The following MEGF10 variants were observed in gnomAD, a reference collection of about 807,000 sequenced individuals.
MEGF10 encodes multiple epidermal growth factor-like domains protein 10.
In MEGF10, 86 loss-of-function variants were observed where a neutral mutation model predicts 147.5. The observed-to-expected ratio is 0.58, with a 90% confidence interval of 0.49 to 0.70. The LOEUF is 0.70. Ranked by LOEUF, MEGF10 falls within the 30% of genes least tolerant of loss-of-function variation. The pLI, the probability that MEGF10 is intolerant of heterozygous loss-of-function variation, is 0.00. For synonymous variants in MEGF10, 478 were observed against 525.5 expected, an observed-to-expected ratio of 0.91 and a Z score of 1.24; for missense variants, 1,329 against 1,487.3, an observed-to-expected ratio of 0.89 and a Z score of 1.75.
At chr5:127,349,654 A>G (rs1762018888) in intron 4 of MEGF10, among the ~76,000 whole-genome samples, 2 of 150,662 alleles carry the variant, frequency 1.3e-5, no homozygotes, top group African/African-American at 2.4e-5. Context: ...AGGTCCAGCC[A>G]TATCGTAGCA....
At chr5:127,366,436 G>A (rs557854514) in intron 4 of MEGF10, among the ~76,000 whole-genome samples, 73 of 152,230 alleles carry the variant, frequency 4.8e-4, no homozygotes, top group African/African-American at 1.2e-3. Flanking sequence ...TTTCCTTTTA[G>A]ACTCCATCCC....
chr5:127,325,559 A>C (rs1443762992), intron 1 of MEGF10, among the ~76,000 whole-genome samples: 1 of 152,010 alleles, frequency 6.6e-6, no homozygotes, highest in Non-Finnish European at 1.5e-5. Context: ...CTCTGTTCCC[A>C]TAGCAGCTTA....
chr5:127,325,946 C>T (rs1761013795), intron 1 of MEGF10, among the ~76,000 whole-genome samples: 1 of 146,728 alleles, frequency 6.8e-6, no homozygotes, highest in African/African-American at 2.5e-5. Context: ...GCTCTGCCAC[C>T]CAGCTGGAAT....
At chr5:127,450,797 C>T (rs914432680) in intron 22 of MEGF10, among the ~76,000 whole-genome samples, 1 of 151,978 alleles carries the variant, frequency 6.6e-6, no homozygotes, top group Non-Finnish European at 1.5e-5. Flanking sequence ...CTCGCTCTGT[C>T]GTCTAGGCTG....
intron 9 of MEGF10, among the ~76,000 whole-genome samples, chr5:127,417,132 T>C (rs1764806647): frequency 6.6e-6 from 1 of 152,214 alleles, no homozygotes; most frequent in East Asian, 1.9e-4. Context: ...GTCCATTTGC[T>C]ATGGAGCAAC....
At chr5:127,309,720 T>G (rs1165577979) in intron 1 of MEGF10, among the ~76,000 whole-genome samples, 1 of 152,206 alleles carries the variant, frequency 6.6e-6, no homozygotes, top group Non-Finnish European at 1.5e-5. Context: ...TTCCACCTTT[T>G]GAGTATTGTG....
intron 9 of MEGF10, among the ~76,000 whole-genome samples, chr5:127,412,262 A>G (rs1222309513): frequency 6.6e-6 from 1 of 152,204 alleles, no homozygotes; most frequent in Non-Finnish European, 1.5e-5. Flanking sequence ...CATGAAAGGT[A>G]TTTTTAAAGA....
chr5:127,312,338 GA>G (rs1287847671), intron 1 of MEGF10, among the ~76,000 whole-genome samples: 1 of 152,216 alleles, frequency 6.6e-6, no homozygotes, highest in Admixed American at 6.5e-5. Flanking sequence ...TTCAGGCAGT[GA>G]GCAGGAAGCT....
chr5:127,362,456 G>A (rs952279737), intron 4 of MEGF10, among the ~76,000 whole-genome samples: 1 of 150,206 alleles, frequency 6.7e-6, no homozygotes, highest in African/African-American at 2.5e-5. Flanking sequence ...TGCAAGCTCC[G>A]CCTCCCAGGT....
In MEGF10 at chr5:127,422,737, C is replaced by T. The variant is rs753833305; in HGVS notation, c.1658C>T (p.Thr553Ile). 1 of 1,614,162 alleles carries T rather than the reference C, an allele frequency of 6.2e-7. No homozygotes were observed. Among genetic ancestry groups the T allele is most frequent in the South Asian group, 1.1e-5 (1 of 91,080 alleles). Residue 553 changes from threonine (T) to isoleucine (I), a missense_variant, in exon 13 of 25, where the codon ACC (threonine) becomes ATC (isoleucine). Thr to Ile is a moderately conservative substitution (Grantham distance 89, BLOSUM62 -1). This residue lies in a region of MEGF10 where 980 missense variants were observed against 1,085.9 expected (regional missense o/e 0.90). Transcript: ENST00000503335. Reference sequence around the variant, plus strand: ...AGCCACGCAGATGGCTGCCACCCTACCACGGGCCATTGCCGCTGCCTCCCC... The same window carrying T: ...AGCCACGCAGATGGCTGCCACCCTATCACGGGCCATTGCCGCTGCCTCCCC... ...DCSHADGCHPTTGHCRCLPGW... is the reference protein window; with the variant it reads ...DCSHADGCHPITGHCRCLPGW...
At chr5:127,401,988 A>G (rs945205844) in intron 7 of MEGF10, among the ~76,000 whole-genome samples, 1 of 152,234 alleles carries the variant, frequency 6.6e-6, no homozygotes, top group African/African-American at 2.4e-5. Context: ...TTCCTGTAGA[A>G]GTCTGTCTTC....
At chr5:127,357,394 T>C (rs1476058812) in intron 4 of MEGF10, among the ~76,000 whole-genome samples, 1 of 151,660 alleles carries the variant, frequency 6.6e-6, no homozygotes, top group African/African-American at 2.4e-5. Context: ...GTTAATAGGG[T>C]AGAGAGAAAG....
At chr5:127,267,661 G>A in the MEGF10 span, among the ~76,000 whole-genome samples, 2 of 152,132 alleles carry the variant, frequency 1.3e-5, no homozygotes, top group African/African-American at 2.4e-5. Flanking sequence ...GAGGGTGTAT[G>A]TGTCCAGGAA....
chr5:127,309,659 A>G (rs536118245), intron 1 of MEGF10, among the ~76,000 whole-genome samples: 19 of 152,326 alleles, frequency 1.2e-4, no homozygotes, highest in African/African-American at 4.3e-4. Flanking sequence ...CAGTTGTAGT[A>G]TATACCACAT....
chr5:127,335,052 T>G (rs2126790738), intron 2 of MEGF10, among the ~76,000 whole-genome samples: 1 of 152,286 alleles, frequency 6.6e-6, no homozygotes, highest in Admixed American at 6.5e-5. Context: ...CTTAATAGAT[T>G]AAAATCACGG....
At chr5:127,319,317 C>A (rs143156276) in intron 1 of MEGF10, among the ~76,000 whole-genome samples, 3,225 of 152,252 alleles carry the variant, frequency 0.021, 67 homozygotes, top group Middle Eastern at 0.034. Flanking sequence ...CTCAAGTGAT[C>A]CACCTACCTC....
In MEGF10 at chr5:127,389,837, TG is replaced by T. The variant is rs200854320; in HGVS notation, c.413-6692del. 5.5e-3 allele frequency among the ~76,000 whole-genome samples: 836 copies of T among 152,274 alleles called. 8 individuals are homozygous for T. The highest frequency in any genetic ancestry group is 0.019 in the African/African-American group (804 of 41,532). On this transcript the variant is annotated intron_variant, in intron 5 of 24. Transcript: ENST00000503335. ...ACTATTAGGTACTAGGCTTAGTACT[TG>T]GGTGATGAAATAATCTGTATGACAA...
At chr5:127,290,434 C>A (rs1353444104), upstream of MEGF10, among the ~76,000 whole-genome samples, 1 of 152,186 alleles carries the variant, frequency 6.6e-6, no homozygotes. Flanking sequence ...TCTAGAACAC[C>A]TCCCAGGGAC....
intron 4 of MEGF10, among the ~76,000 whole-genome samples, chr5:127,346,588 C>G (rs1432116189): frequency 6.6e-6 from 1 of 151,940 alleles, no homozygotes; most frequent in East Asian, 1.9e-4. Flanking sequence ...TTTGTTTGAG[C>G]TCCTCGTAGA....
Sources: allele counts gnomAD v4.1 joint callset (sites outside exome capture counted in the v4.1 genomes callset), GRCh38; gene constraint gnomAD v4.1.1; regional missense constraint gnomAD v4.1.1; transcripts MANE v1.5; gene names NCBI Gene and HGNC (gene_info 2026-07-23, HGNC 2026-07-21).